The following SLC30A9 variants were observed in gnomAD, a reference collection of about 807,000 sequenced individuals.
SLC30A9 encodes solute carrier family 30 member 9, also known as proton-coupled zinc antiporter SLC30A9, mitochondrial.
Under a neutral mutation model 87.5 loss-of-function variants are expected in SLC30A9, and 58 were observed. The ratio of observed to expected loss-of-function variants is 0.66; its 90% CI spans 0.54 to 0.82. SLC30A9 has a LOEUF of 0.82. SLC30A9 is among the 40% of genes least tolerant of loss of function. The pLI, the probability that SLC30A9 is intolerant of heterozygous loss-of-function variation, is 0.00. For synonymous variants in SLC30A9, 234 were observed against 233.0 expected (o/e 1.00, Z -0.04); for missense variants, 557 against 679.1 (o/e 0.82, Z 2.00).
intron 1 of SLC30A9, among the ~76,000 whole-genome samples, chr4:41,994,729 A>G (rs1714617693): frequency 6.6e-6 from 1 of 151,720 alleles, no homozygotes; most frequent in East Asian, 1.9e-4. Flanking sequence ...CTCTACTAAA[A>G]ATACAAAAAT....
chr4:41,998,647 G>A (rs1714844781), intron 1 of SLC30A9, among the ~76,000 whole-genome samples: 1 of 152,006 alleles, frequency 6.6e-6, no homozygotes, highest in African/African-American at 2.4e-5. Flanking sequence ...TGTATTTTTA[G>A]TAGAGATGGG....
chr4:42,004,934 G>C (rs1715139941), intron 2 of SLC30A9, among the ~76,000 whole-genome samples: 1 of 151,976 alleles, frequency 6.6e-6, no homozygotes, highest in African/African-American at 2.4e-5. Flanking sequence ...GATTACAGGG[G>C]TGAGCCACTA....
intron 5 of SLC30A9, 64 bp from the exon 6 acceptor site, chr4:42,023,238 T>A (rs1716049680): frequency 9.3e-7 from 1 of 1,072,780 alleles, no homozygotes; most frequent in African/African-American, 1.6e-5. Flanking sequence ...GAATTTAGAT[T>A]TAAATGTGAT....
chr4:42,050,139 G>A (rs1217203559), intron 9 of SLC30A9, among the ~76,000 whole-genome samples: 1 of 152,060 alleles, frequency 6.6e-6, no homozygotes, highest in Non-Finnish European at 1.5e-5. Flanking sequence ...TAAAAATAAC[G>A]TGAAGATAAG....
At chr4:42,062,366 A>G (rs941156557) in intron 10 of SLC30A9, among the ~76,000 whole-genome samples, 1 of 152,146 alleles carries the variant, frequency 6.6e-6, no homozygotes, top group African/African-American at 2.4e-5. Context: ...GTATTGTGTC[A>G]GTACTAACAA....
At chr4:42,015,856 T>C (rs1165165437) in intron 2 of SLC30A9, among the ~76,000 whole-genome samples, 1 of 152,098 alleles carries the variant, frequency 6.6e-6, no homozygotes, top group African/African-American at 2.4e-5. Flanking sequence ...TATTCTTTTT[T>C]TTACCACCTA....
chr4:41,991,005 G>T (rs1043872455), intron 1 of SLC30A9, among the ~76,000 whole-genome samples: 3 of 152,364 alleles, frequency 2.0e-5, no homozygotes, highest in Middle Eastern at 3.4e-3. Context: ...TCGCGGGCCG[G>T]ATTGCACCTC....
At chr4:42,039,097 T>G (rs565027318) in intron 8 of SLC30A9, 44 bp downstream of exon 8, 4 of 1,347,704 alleles carry the variant, frequency 3.0e-6, no homozygotes, top group Non-Finnish European at 4.3e-6. Flanking sequence ...ATATATTCTT[T>G]TAAATATGTA....
intron 8 of SLC30A9, among the ~76,000 whole-genome samples, chr4:42,048,086 TGGC>T (rs1286279469): frequency 2.7e-5 from 4 of 149,706 alleles, no homozygotes; most frequent in African/African-American, 9.9e-5. Context: ...GGGGGGTGGG[TGGC>T]TAGGGGAGGG....
rs139222620 is a variant in SLC30A9, at chr4:42,038,218, A to G, written c.670-768A>G. Reference sequence around the variant, plus strand: ...ATCATTATTTCTAGTTTCTACCAACACATCTTCCCGTTTTCTACAGCCTTC... The same window carrying G: ...ATCATTATTTCTAGTTTCTACCAACGCATCTTCCCGTTTTCTACAGCCTTC... On this transcript the variant is annotated intron_variant, in intron 7 of 17. Coordinates refer to ENST00000264451, the MANE Select transcript of SLC30A9 (RefSeq NM_006345.4). Among the ~76,000 whole-genome samples the G allele has an allele frequency of 2.9e-3, 437 of 152,226 alleles. 4 individuals are homozygous for G. The highest frequency in any genetic ancestry group is 9.9e-3 in the African/African-American group (411 of 41,568).
chr4:42,015,450 C>A (rs1472218137), intron 2 of SLC30A9, among the ~76,000 whole-genome samples: 2 of 152,004 alleles, frequency 1.3e-5, no homozygotes, highest in Non-Finnish European at 2.9e-5. Flanking sequence ...TACAAATGTA[C>A]CACAGTTAAG....
At chr4:42,075,813 T>C (rs1357654599) in intron 16 of SLC30A9, 27 bp downstream of exon 16, 1 of 1,596,022 alleles carries the variant, frequency 6.3e-7, no homozygotes, top group Admixed American at 1.8e-5. Flanking sequence ...TTTTCTTACA[T>C]AACTGAGGGT....
At chr4:42,040,128 A>G (rs1716858806) in intron 8 of SLC30A9, among the ~76,000 whole-genome samples, 2 of 152,324 alleles carry the variant, frequency 1.3e-5, no homozygotes, top group East Asian at 3.9e-4. Context: ...TTGTGTAAAT[A>G]ATGTACCATT....
At chr4:42,031,576 A>G (rs7683204) in intron 6 of SLC30A9, among the ~76,000 whole-genome samples, 98,420 of 152,118 alleles carry the variant, frequency 0.65, 36,026 homozygotes, top group East Asian at 0.96. Context: ...GTACCTATCT[A>G]TAAGATTTTG....
chr4:42,031,056 G>A (rs1196591665), intron 6 of SLC30A9, among the ~76,000 whole-genome samples: 2 of 152,110 alleles, frequency 1.3e-5, no homozygotes, highest in African/African-American at 2.4e-5. Flanking sequence ...GCAAGAAAAA[G>A]TGTAGTGTAT....
rs114641183 is a variant in SLC30A9 at position 42,062,527 on chromosome 4, A to T, written c.897-459A>T. On this transcript the variant is annotated intron_variant, in intron 10 of 17. Coordinates refer to ENST00000264451, the MANE Select transcript of SLC30A9 (RefSeq NM_006345.4). ...ACCTATTCAGAACCAGCAATAAATT[A>T]TGTGTTGTAAACTTCTGTATCCAGC... is the stretch of plus-strand genomic sequence containing the variant. Among the ~76,000 whole-genome samples the T allele has an allele frequency of 5.8e-3, 876 of 152,328 alleles. 4 individuals carry two copies. The highest frequency in any genetic ancestry group is 0.02 in the African/African-American group (839 of 41,572).
In SLC30A9 at chr4:42,039,016, A is replaced by G; in HGVS notation, c.700A>G (p.Lys234Glu). 6.2e-7 allele frequency: 1 copy of G among 1,613,768 alleles called. No individual in the cohort carries two copies. Among genetic ancestry groups the G allele is most frequent in the South Asian group, 1.1e-5 (1 of 91,046 alleles). Residue 234 changes from lysine (K) to glutamate (E), a missense_variant, in exon 8 of 18, where the codon AAG (lysine) becomes GAG (glutamate). Lys to Glu is a moderately conservative substitution (Grantham distance 56). Transcript: ENST00000264451. ...PRSRTASVFF[K>E]GPGKVVMVAI... The stretch of plus-strand genomic sequence containing the variant: ...CTCCAGAACAGCATCAGTGTTTTTT[A>G]AGGGACCAGGAAAAGTGGTGATGGT...
chr4:42,006,957 T>C (rs2660322), intron 2 of SLC30A9, among the ~76,000 whole-genome samples: 98,473 of 151,968 alleles, frequency 0.65, 36,036 homozygotes, highest in East Asian at 0.96. Context: ...GGGTCTTGTT[T>C]GGGAGTTTGG....
chr4:42,059,940 T>G (rs1001624033), intron 9 of SLC30A9, among the ~76,000 whole-genome samples: 3 of 152,150 alleles, frequency 2.0e-5, no homozygotes, highest in African/African-American at 7.2e-5. Context: ...ATTTTGTCAT[T>G]CCCAATTGAT....
Sources: gnomAD v4.1 joint callset for allele counts (sites outside exome capture counted in the v4.1 genomes callset) on GRCh38, gnomAD v4.1.1 for gene constraint, MANE v1.5 for transcripts, NCBI Gene and HGNC (gene_info 2026-07-23, HGNC 2026-07-21) for gene names.